Variants in C12orf42 observed in about 807,000 individuals in gnomAD.
C12orf42 encodes chromosome 12 open reading frame 42.
Under a neutral mutation model 21.6 loss-of-function variants are expected in C12orf42, and 25 were observed. The ratio of observed to expected loss-of-function variants is 1.16; its 90% CI spans 0.84 to 1.62. C12orf42 has a LOEUF of 1.62. Ranked by LOEUF, C12orf42 falls within the 40% of genes most tolerant of loss-of-function variation. The pLI is 0.00. For synonymous variants in C12orf42, 174 were observed against 175.0 expected (o/e 0.99, Z 0.05); for missense variants, 483 against 459.3 (o/e 1.05, Z -0.47).
At chr12:103,189,584 G>A in the C12orf42 span, among the ~76,000 whole-genome samples, 34 of 152,344 alleles carry the variant, frequency 2.2e-4, 1 homozygote, top group East Asian at 5.4e-3. Flanking sequence ...TCTGCATAGT[G>A]TAGGCCTGGG....
At chr12:103,268,358 T>G (rs1346755652), downstream of C12orf42, 3 of 152,284 alleles carry the variant, frequency 2.0e-5, no homozygotes, top group East Asian at 5.8e-4. Flanking sequence ...GTATGTGATT[T>G]GTGTTTGTTG....
intron 3 of C12orf42, among the ~76,000 whole-genome samples, chr12:103,385,834 T>C (rs1178843470): frequency 6.6e-6 from 1 of 152,212 alleles, no homozygotes; most frequent in Non-Finnish European, 1.5e-5. Flanking sequence ...CCTCACACTT[T>C]GCTTAAAATC....
chr12:103,500,956 C>G (rs138571785), upstream of C12orf42, among the ~76,000 whole-genome samples: 1 of 152,326 alleles, frequency 6.6e-6, no homozygotes, highest in East Asian at 1.9e-4. Flanking sequence ...GACATAATGT[C>G]TTTGAATCCT....
At chr12:103,092,849 G>A in the C12orf42 span, among the ~76,000 whole-genome samples, 3 of 152,170 alleles carry the variant, frequency 2.0e-5, no homozygotes, top group African/African-American at 7.2e-5. Flanking sequence ...TAGCAAGAAC[G>A]ATTCTTTGCC....
At chr12:103,512,947 A>G in the C12orf42 span, among the ~76,000 whole-genome samples, 1 of 151,478 alleles carries the variant, frequency 6.6e-6, no homozygotes, top group Non-Finnish European at 1.5e-5. Context: ...GGCTGCAGTG[A>G]GCTGAGATTG....
chr12:103,504,319 G>T, the C12orf42 span: 1 of 161,592 alleles, frequency 6.2e-6, no homozygotes, highest in South Asian at 1.6e-4. Context: ...GCTGGAAGAT[G>T]GCTACCTTCA....
chr12:103,478,671 C>T (rs1031107621), intron 1 of C12orf42, among the ~76,000 whole-genome samples: 4 of 149,906 alleles, frequency 2.7e-5, no homozygotes, highest in African/African-American at 9.8e-5. Context: ...AAGCAATACT[C>T]GCACCTTGGC....
rs761248352 is a variant in C12orf42 at position 103,401,613 on chromosome 12, A to T, written c.141T>A (p.Ser47Arg). The change falls in exon 3 of 6, where the codon AGT (serine) becomes AGA (arginine). Residue 47 changes from serine to arginine, a missense_variant. Transcript: ENST00000548883. ...TAACATTCCGCTGACTCACCTTTGC[A>T]CTGGGTGTGCTTCTATCCCACAGGG... is the stretch of plus-strand genomic sequence containing the variant. ...SATLWDRSTP[S>R]AKHIPCYERT... 6 of 1,613,900 alleles carry T rather than the reference A, an allele frequency of 3.7e-6. No homozygotes were observed. The highest frequency in any genetic ancestry group is 5.1e-6 in the Non-Finnish European group (6 of 1,179,794).
At chr12:103,171,214 C>A in the C12orf42 span, among the ~76,000 whole-genome samples, 1 of 152,102 alleles carries the variant, frequency 6.6e-6, no homozygotes, top group East Asian at 1.9e-4. Flanking sequence ...ACTGACCCTG[C>A]ACAATCTTTC....
chr12:103,366,908 T>G (rs1426019573), intron 4 of C12orf42, among the ~76,000 whole-genome samples: 1 of 152,052 alleles, frequency 6.6e-6, no homozygotes, highest in Non-Finnish European at 1.5e-5. Context: ...TTTAAAGAAC[T>G]AAAAGTAGAA....
chr12:103,454,775 A>T (rs1052210295), intron 2 of C12orf42, among the ~76,000 whole-genome samples: 2 of 152,158 alleles, frequency 1.3e-5, no homozygotes. Flanking sequence ...GTTTCCACTG[A>T]TAATTCCTAT....
At chr12:103,420,428 A>G (rs1319505262) in intron 2 of C12orf42, among the ~76,000 whole-genome samples, 3 of 152,126 alleles carry the variant, frequency 2.0e-5, no homozygotes, top group African/African-American at 7.2e-5. Context: ...ATGAGCTTCC[A>G]GTTTTCTCCC....
the C12orf42 span, among the ~76,000 whole-genome samples, chr12:103,543,717 G>T: frequency 6.6e-6 from 1 of 152,036 alleles, no homozygotes; most frequent in Admixed American, 6.5e-5. Flanking sequence ...CACCATAAAG[G>T]TTTTATACAA....
chr12:103,350,359 C>T (rs1043853700), intron 4 of C12orf42, among the ~76,000 whole-genome samples: 1 of 152,176 alleles, frequency 6.6e-6, no homozygotes, highest in Non-Finnish European at 1.5e-5. Context: ...GCAACCTGCC[C>T]ACTAGCCACT....
the C12orf42 span, among the ~76,000 whole-genome samples, chr12:103,502,516 G>T: frequency 4.0e-5 from 6 of 151,442 alleles, no homozygotes; most frequent in South Asian, 1.3e-3. Context: ...CTTTGCTCTT[G>T]CCACTCCCTT....
chr12:103,112,387 TG>T, the C12orf42 span, among the ~76,000 whole-genome samples: 5 of 152,172 alleles, frequency 3.3e-5, no homozygotes, highest in African/African-American at 1.2e-4. Flanking sequence ...TGGCCAGGCG[TG>T]GTGGCTTACA....
chr12:103,253,823 G>C (rs566064129), intron 10 of C12orf42, among the ~76,000 whole-genome samples: 554 of 134,028 alleles, frequency 4.1e-3, no homozygotes, highest in Non-Finnish European at 7.4e-3. Flanking sequence ...ACTTTTTAAT[G>C]GGTTTTTTTT....
chr12:103,329,752 A>T (rs1191380687), intron 4 of C12orf42, among the ~76,000 whole-genome samples: 1 of 151,972 alleles, frequency 6.6e-6, no homozygotes, highest in Non-Finnish European at 1.5e-5. Flanking sequence ...GACAAGGAAA[A>T]GGGGGGAAAA....
chr12:103,325,268 G>A (rs561541448), intron 4 of C12orf42, among the ~76,000 whole-genome samples: 40 of 152,300 alleles, frequency 2.6e-4, no homozygotes, highest in Non-Finnish European at 1.5e-5. Flanking sequence ...TTTGAACGAC[G>A]TTCTTGTGGC....
Sources: allele counts gnomAD v4.1 joint callset (sites outside exome capture counted in the v4.1 genomes callset), GRCh38; gene constraint gnomAD v4.1.1; transcripts MANE v1.5; gene names NCBI Gene and HGNC (gene_info 2026-07-23, HGNC 2026-07-21).